The following HIVEP1 variants were observed in gnomAD, a reference collection of about 807,000 sequenced individuals.
The protein encoded by HIVEP1 is HIVEP zinc finger 1.
Under a neutral mutation model 180.0 loss-of-function variants are expected in HIVEP1, and 36 were observed. The observed-to-expected ratio is 0.20, with a 90% CI of 0.15 to 0.26. The LOEUF is 0.26. Ranked by LOEUF, HIVEP1 falls within the 10% of genes least tolerant of loss-of-function variation. HIVEP1 has a pLI of 1.00. For synonymous variants in HIVEP1, 1,239 were observed against 1,239.0 expected (o/e 1.00, Z 0.00); for missense variants, 3,143 against 3,268.7 (o/e 0.96, Z 0.94).
In HIVEP1 at chr6:12,163,511, G is replaced by A; in HGVS notation, c.7207G>A (p.Gly2403Arg). The A allele has an allele frequency of 1.9e-6, 3 of 1,614,116 alleles. No individual in the cohort carries two copies. Among genetic ancestry groups the A allele is most frequent in the Non-Finnish European group, 1.7e-6 (2 of 1,180,010 alleles). ...ACCTTATAATATGGTTCCAGTTGGG[G>A]GGATCCATGTGGTACCTGCTGGCCT... The part of the protein sequence containing the change: ...RTPYNMVPVG[G>R]IHVVPAGLTY... The change falls in exon 9 of 9, where the codon GGG becomes AGG. Residue 2403 changes from glycine to arginine, a missense_variant. Transcript: ENST00000379388.
intron 3 of HIVEP1, among the ~76,000 whole-genome samples, chr6:12,114,530 T>C (rs1775101150): frequency 6.6e-6 from 1 of 152,124 alleles, no homozygotes; most frequent in Admixed American, 6.5e-5. Context: ...CTCTTTGGCT[T>C]ATCATTTATG....
intron 2 of HIVEP1, among the ~76,000 whole-genome samples, chr6:12,028,799 C>G (rs575618337): frequency 6.6e-6 from 1 of 152,214 alleles, no homozygotes; most frequent in South Asian, 2.1e-4. Context: ...AAACCTTTAC[C>G]ACAGTCCAGT....
rs542037215 is a variant in HIVEP1, at chr6:12,033,447, T to C, written c.40+17779T>C. On this transcript the variant is annotated intron_variant, in intron 2 of 8. Transcript: ENST00000379388. ...ATTAGAAGGGGCAAAGCAAGGTCTC[T>C]AAGAGAGATTATCAAAGAATGTACT... 1.1e-4 allele frequency among the ~76,000 whole-genome samples: 16 copies of C among 152,258 alleles called. No homozygotes were observed. The South Asian group carries it at 3.3e-3, about 32-fold the overall frequency.
chr6:12,008,606 G>C (rs1452925595), upstream of HIVEP1: 1 of 151,918 alleles, frequency 6.6e-6, no homozygotes, highest in Non-Finnish European at 1.5e-5. Context: ...CTCAGAACCT[G>C]CAAGTGAAGT....
At chr6:12,185,589 T>C in the HIVEP1 span, among the ~76,000 whole-genome samples, 1 of 152,194 alleles carries the variant, frequency 6.6e-6, no homozygotes, top group Non-Finnish European at 1.5e-5. Context: ...ACCTTAAAAG[T>C]AGGACTGACA....
chr6:12,035,782 A>T (rs1055077187), intron 2 of HIVEP1, among the ~76,000 whole-genome samples: 1 of 152,246 alleles, frequency 6.6e-6, no homozygotes, highest in Non-Finnish European at 1.5e-5. Context: ...ATATATAGAA[A>T]GTAGGAAATA....
Position 12,164,021 on chromosome 6 carries a change from G to A in HIVEP1, c.7717G>A (p.Ala2573Thr). 2 of 1,614,122 alleles carry A rather than the reference G, an allele frequency of 1.2e-6. No homozygotes were observed. Among genetic ancestry groups the A allele is most frequent in the Non-Finnish European group, 1.7e-6 (2 of 1,180,036 alleles). Reference sequence around the variant, plus strand: ...TGCACAGGGAGCTCCAGAAATGCCAGCTTCCCAAAGCAAAGCATGCGAGAC... The same window carrying A: ...TGCACAGGGAGCTCCAGAAATGCCAACTTCCCAAAGCAAAGCATGCGAGAC... Reference protein sequence around the residue: ...VDAQGAPEMPASQSKACETQP... With the variant: ...VDAQGAPEMPTSQSKACETQP... The change falls in exon 9 of 9, where the codon GCT becomes ACT. Residue 2573 changes from alanine (A) to threonine (T), a missense_variant. By Grantham distance (58) the Ala-to-Thr change is moderately conservative. Around this residue, in one of 12 missense-constraint regions of HIVEP1, gnomAD observed 595 missense variants for 602.2 expected, o/e 0.99. Transcript: ENST00000379388.
chr6:12,050,305 G>A (rs979069894), intron 2 of HIVEP1, among the ~76,000 whole-genome samples: 2 of 152,202 alleles, frequency 1.3e-5, no homozygotes, highest in African/African-American at 4.8e-5. Flanking sequence ...AACACCATCG[G>A]CCGGGTGCGC....
At chr6:12,069,972 C>G (rs1246179925) in intron 2 of HIVEP1, among the ~76,000 whole-genome samples, 2 of 152,024 alleles carry the variant, frequency 1.3e-5, no homozygotes, top group Non-Finnish European at 2.9e-5. Flanking sequence ...GACACACACA[C>G]ACACATTAGC....
Position 12,121,940 on chromosome 6 carries a change from C to T in HIVEP1, c.2145C>T (p.Thr715=), listed in dbSNP as rs773728384. The change falls in exon 4 of 9, where the codon ACC becomes ACT. Residue 715 remains threonine, a synonymous_variant. Coordinates refer to ENST00000379388, the MANE Select transcript of HIVEP1 (RefSeq NM_002114.4). This position sits in a 1 kb window ranked among gnomAD's most constrained non-coding sequence, Gnocchi z 5.3. ...ACGGACCCTCTGCAGCTCTTGTCAC[C>T]ACGTCAACACCCTCTGCTTTGCCCA... ...RSNGPSAALV[T]TSTPSALPTG... The T allele has an allele frequency of 5.1e-5, 83 of 1,614,018 alleles. No homozygotes were observed. The highest frequency in any genetic ancestry group is 6.4e-5 in the Non-Finnish European group (76 of 1,180,018).
intron 7 of HIVEP1, among the ~76,000 whole-genome samples, chr6:12,159,051 A>G (rs2113678213): frequency 6.7e-6 from 1 of 150,366 alleles, no homozygotes; most frequent in Admixed American, 6.6e-5. Context: ...CTTGAGCGGG[A>G]CTCCCCTGAC....
chr6:12,090,813 T>C (rs1773427681), intron 3 of HIVEP1, among the ~76,000 whole-genome samples: 1 of 149,260 alleles, frequency 6.7e-6, no homozygotes, highest in Non-Finnish European at 1.5e-5. Flanking sequence ...TGTGAGCCTG[T>C]CTTCCTTTTC....
intron 2 of HIVEP1, among the ~76,000 whole-genome samples, chr6:12,041,903 C>T (rs1769755605): frequency 6.6e-6 from 1 of 151,876 alleles, no homozygotes; most frequent in African/African-American, 2.4e-5. Flanking sequence ...TTGTGATCCG[C>T]CCGCCTTGGC....
rs1429002540 is a variant in HIVEP1, at chr6:12,164,714, ATATAT to A, written c.*259_*263del. The stretch of plus-strand genomic sequence containing the variant: ...TTGTTGAATATCTATATACATAAAA[ATATAT>A]TATATATGTATATGAAAACCAGGTA... On this transcript the variant is annotated 3_prime_UTR_variant, in exon 9 of 9. Transcript: ENST00000379388. 45 of 259,408 alleles carry A rather than the reference ATATAT, an allele frequency of 1.7e-4. No homozygotes were observed. Among genetic ancestry groups the A allele is most frequent in the Middle Eastern group, 1.3e-3 (1 of 784 alleles). The allele number at this position is 259,408 out of a possible 1,614,324, so 16.1% of individuals were successfully genotyped here. A position where few individuals can be genotyped will look rare whatever the true frequency, so the allele number is the denominator to read the frequency against.
Position 12,130,040 on chromosome 6 carries a change from T to C in HIVEP1, c.6209+148T>C, listed in dbSNP as rs1758332537. 8 of 617,358 alleles carry C rather than the reference T, an allele frequency of 1.3e-5. No homozygotes were observed. The South Asian group carries it at 1.7e-4, about 13-fold the overall frequency. 38.2% of individuals were successfully genotyped at this position (617,358 alleles called of 1,614,324 possible). On this transcript the variant is annotated intron_variant, in intron 5 of 8. Transcript: ENST00000379388. ...TTAACAGAATCTCCATAGCAAAATA[T>C]GTTAACATTATGTTAAATCATTTTA...
chr6:12,147,827 A>C (rs1395991058), intron 7 of HIVEP1, among the ~76,000 whole-genome samples: 1 of 152,204 alleles, frequency 6.6e-6, no homozygotes, highest in Non-Finnish European at 1.5e-5. Flanking sequence ...ATAATGACTA[A>C]TTTGGAAATA....
intron 7 of HIVEP1, among the ~76,000 whole-genome samples, chr6:12,144,729 T>G (rs1403997111): frequency 1.1e-4 from 16 of 152,178 alleles, no homozygotes; most frequent in Admixed American, 3.3e-4. Flanking sequence ...CAGACACTTC[T>G]CAAAAGAAGA....
intron 4 of HIVEP1, 111 bp from the exon 5 acceptor site, chr6:12,129,648 A>G (rs528859288): frequency 3.5e-6 from 3 of 856,186 alleles, no homozygotes; most frequent in South Asian, 2.8e-5. Context: ...TTTGAAATGC[A>G]TTTCGTTGAC....
intron 2 of HIVEP1, among the ~76,000 whole-genome samples, chr6:12,021,125 C>A (rs1768173170): frequency 6.6e-6 from 1 of 152,038 alleles, no homozygotes; most frequent in Non-Finnish European, 1.5e-5. Flanking sequence ...AACTTCTAAC[C>A]TCAGGTGATC....
Sources: gnomAD v4.1 joint callset for allele counts (sites outside exome capture counted in the v4.1 genomes callset) on GRCh38, gnomAD v4.1.1 for gene constraint, gnomAD v4.1.1 regional missense constraint, Gnocchi (gnomAD v3.1) non-coding constraint, MANE v1.5 for transcripts, NCBI Gene and HGNC (gene_info 2026-07-23, HGNC 2026-07-21) for gene names.